The following TENM4 variants were observed in gnomAD, a reference collection of about 807,000 sequenced individuals.
TENM4 encodes the protein teneurin-4.
In TENM4, 82 loss-of-function variants were observed where a neutral mutation model predicts 243.3. The ratio of observed to expected loss-of-function variants is 0.34; its 90% CI spans 0.28 to 0.40. TENM4 has a LOEUF of 0.40. Among genes scored for constraint, TENM4 ranks in the 10% least tolerant of loss-of-function variants. The pLI is 1.00. For synonymous variants in TENM4, 1,412 were observed against 1,456.3 expected, an observed-to-expected ratio of 0.97 and a Z score of 0.69; for missense variants, 3,138 against 3,673.3, an observed-to-expected ratio of 0.85 and a Z score of 3.77.
At chr11:79,222,120 T>A (rs950176858) in intron 2 of TENM4, among the ~76,000 whole-genome samples, 7 of 152,248 alleles carry the variant, frequency 4.6e-5, no homozygotes, top group African/African-American at 1.7e-4. Context: ...TTCAGTCTTA[T>A]GTTTGAAATG....
At chr11:79,321,395 C>T (rs949400217) in intron 1 of TENM4, among the ~76,000 whole-genome samples, 2 of 152,136 alleles carry the variant, frequency 1.3e-5, no homozygotes, top group Non-Finnish European at 2.9e-5. Flanking sequence ...AGAGCATGAT[C>T]TCATTTATGA....
intron 3 of TENM4, among the ~76,000 whole-genome samples, chr11:79,160,744 A>G (rs1173185572): frequency 6.6e-6 from 1 of 152,180 alleles, no homozygotes; most frequent in Non-Finnish European, 1.5e-5. Context: ...CTTACCCTGT[A>G]TCAGGTATTT....
At chr11:79,019,728 T>C (rs1378030508) in intron 6 of TENM4, among the ~76,000 whole-genome samples, 1 of 152,156 alleles carries the variant, frequency 6.6e-6, no homozygotes, top group Non-Finnish European at 1.5e-5. Context: ...ATCTTCAAGT[T>C]TGCAGTCTTG....
At chr11:79,218,065 T>C (rs1164135306) in intron 2 of TENM4, among the ~76,000 whole-genome samples, 2 of 151,962 alleles carry the variant, frequency 1.3e-5, no homozygotes, top group Admixed American at 6.6e-5. Flanking sequence ...AGTTTGGGAG[T>C]AAACCTAGAA....
intron 6 of TENM4, among the ~76,000 whole-genome samples, chr11:79,044,439 T>G (rs1482134227): frequency 6.6e-6 from 1 of 152,170 alleles, no homozygotes; most frequent in Non-Finnish European, 1.5e-5. Flanking sequence ...GCGGCAGGAC[T>G]GGGTAGGGAA....
chr11:78,896,334 T>C (rs1434337073), intron 7 of TENM4, among the ~76,000 whole-genome samples: 2 of 152,024 alleles, frequency 1.3e-5, no homozygotes, highest in Non-Finnish European at 2.9e-5. Flanking sequence ...GAGTTAGTGA[T>C]GGGGCTGGCA....
intron 6 of TENM4, among the ~76,000 whole-genome samples, chr11:78,947,897 T>C (rs1011687473): frequency 6.6e-6 from 1 of 152,156 alleles, no homozygotes; most frequent in Non-Finnish European, 1.5e-5. Flanking sequence ...CTGTAAAGGT[T>C]TGGAGGGGTT....
chr11:79,235,495 A>G (rs1160291543), intron 2 of TENM4, among the ~76,000 whole-genome samples: 2 of 152,104 alleles, frequency 1.3e-5, no homozygotes, highest in African/African-American at 2.4e-5. Flanking sequence ...TAGGGACCCT[A>G]GGACCTCTGT....
intron 2 of TENM4, among the ~76,000 whole-genome samples, chr11:79,291,819 A>G (rs562721194): frequency 2.0e-5 from 3 of 152,166 alleles, no homozygotes; most frequent in Admixed American, 6.5e-5. Flanking sequence ...CCCTCTGCCA[A>G]TGAGTATTCA....
intron 4 of TENM4, among the ~76,000 whole-genome samples, chr11:79,117,274 G>A (rs12796793): frequency 0.65 from 98,544 of 152,068 alleles, 33,983 homozygotes; most frequent in Non-Finnish European, 0.8. Context: ...CATAATGGCC[G>A]TGCTAGGAGG....
At chr11:79,381,244 C>T (rs1246500471) in intron 1 of TENM4, among the ~76,000 whole-genome samples, 2 of 150,900 alleles carry the variant, frequency 1.3e-5, no homozygotes, top group Non-Finnish European at 3.0e-5. Flanking sequence ...TAGCCAAGTC[C>T]GGCCTGGAAC....
chr11:79,233,344 T>G (rs1590813878), intron 2 of TENM4, among the ~76,000 whole-genome samples: 1 of 152,280 alleles, frequency 6.6e-6, no homozygotes, highest in Non-Finnish European at 1.5e-5. Flanking sequence ...AAAGTACATG[T>G]TTGACAAAGC....
At chr11:79,221,486 A>C (rs1350210473) in intron 2 of TENM4, among the ~76,000 whole-genome samples, 1 of 151,668 alleles carries the variant, frequency 6.6e-6, no homozygotes, top group African/African-American at 2.4e-5. Context: ...ACCCACACAC[A>C]AACTCACCGA....
chr11:79,099,937 G>A (rs1360484576), intron 4 of TENM4, among the ~76,000 whole-genome samples: 1 of 152,198 alleles, frequency 6.6e-6, no homozygotes, highest in Non-Finnish European at 1.5e-5. Context: ...GCAGCCATTT[G>A]CTGCCCCAAG....
At chr11:78,821,789 G>A (rs1857739886) in intron 12 of TENM4, among the ~76,000 whole-genome samples, 1 of 152,196 alleles carries the variant, frequency 6.6e-6, no homozygotes, top group South Asian at 2.1e-4. Context: ...GCCCTAATAG[G>A]TTGACCAGGG....
At chr11:79,394,102 C>G (rs1296196071) in intron 1 of TENM4, among the ~76,000 whole-genome samples, 1 of 152,140 alleles carries the variant, frequency 6.6e-6, no homozygotes, top group Non-Finnish European at 1.5e-5. Flanking sequence ...CGGAAATGCC[C>G]ACAGACTCAC....
At chr11:78,880,658 G>C (rs950442441) in intron 9 of TENM4, among the ~76,000 whole-genome samples, 2 of 152,098 alleles carry the variant, frequency 1.3e-5, no homozygotes, top group Non-Finnish European at 2.9e-5. Flanking sequence ...CCATGATATG[G>C]AGGTCAAGGA....
chr11:79,120,734 A>G (rs989106912), intron 4 of TENM4, among the ~76,000 whole-genome samples: 13 of 152,266 alleles, frequency 8.5e-5, no homozygotes, highest in African/African-American at 3.1e-4. Flanking sequence ...TGCTCTAGGC[A>G]GATAAAAGTG....
At chr11:78,956,538 A>G (rs1466523947) in intron 6 of TENM4, among the ~76,000 whole-genome samples, 2 of 152,210 alleles carry the variant, frequency 1.3e-5, no homozygotes, top group African/African-American at 4.8e-5. Context: ...AACAATAAGC[A>G]CATCTATGGA....
Sources: gnomAD v4.1 joint callset for allele counts (sites outside exome capture counted in the v4.1 genomes callset) on GRCh38, gnomAD v4.1.1 for gene constraint, MANE v1.5 for transcripts, NCBI Gene and HGNC (gene_info 2026-07-23, HGNC 2026-07-21) for gene names.